TRNP1: variants seen among roughly 807,000 people sequenced by gnomAD.
TRNP1 encodes TMF-regulated nuclear protein 1.
In TRNP1, 16 loss-of-function variants were observed where a neutral mutation model predicts 12.2. The ratio of observed to expected loss-of-function variants is 1.31; its 90% CI spans 0.89 to 1.99. The LOEUF (loss-of-function observed/expected upper bound fraction) is 1.99. Among genes scored for constraint, TRNP1 ranks in the 30% most tolerant of loss-of-function variants. TRNP1 has a pLI of 0.00. For synonymous variants in TRNP1, 139 were observed against 166.2 expected (o/e 0.84, Z 1.26); for missense variants, 338 against 330.4 (o/e 1.02, Z -0.18).
At chr1:26,997,918 C>T (rs1169292933) in intron 1 of TRNP1, among the ~76,000 whole-genome samples, 1 of 152,094 alleles carries the variant, frequency 6.6e-6, no homozygotes, top group Non-Finnish European at 1.5e-5. Flanking sequence ...CGGTAGTCCC[C>T]GGGGCTTCCT....
Position 26,994,606 on chromosome 1 carries a change from G to A in TRNP1, c.*136G>A, listed in dbSNP as rs2082536088. On this transcript the variant is annotated 3_prime_UTR_variant, in exon 1 of 2. Coordinates refer to ENST00000522111, the MANE Select transcript of TRNP1 (RefSeq NM_001013642.3). The surrounding 1 kb of genome is among the most constrained non-coding windows in gnomAD (Gnocchi z 6.9). Reference sequence around the variant, plus strand: ...TGGGGGCCAGGGGCCCAGTAGAGGAGGCTGAGGTGCGGTCTTAGCGGCTGG... The same window carrying A: ...TGGGGGCCAGGGGCCCAGTAGAGGAAGCTGAGGTGCGGTCTTAGCGGCTGG... 3 of 634,266 alleles carry A rather than the reference G, an allele frequency of 4.7e-6. No individual in the cohort carries two copies. Among genetic ancestry groups the A allele is most frequent in the East Asian group, 1.6e-4 (2 of 12,434 alleles). The allele number at this position is 634,266 out of a possible 1,614,324, so 39.3% of individuals were successfully genotyped here.
chr1:26,995,131 A>T (rs143909312), intron 1 of TRNP1, among the ~76,000 whole-genome samples: 1 of 152,166 alleles, frequency 6.6e-6, no homozygotes, highest in Non-Finnish European at 1.5e-5. Flanking sequence ...TTCTCTTCAT[A>T]CTTAGGCCCT....
chr1:26,993,750 G>C lies in TRNP1; in HGVS notation c.-37G>C, dbSNP rs776250722. On this transcript the variant is annotated 5_prime_UTR_variant, in exon 1 of 2. Transcript: ENST00000522111. ...GGTGTGCTGTGGTCATCCTCCCTGC[G>C]CACCTACAGCCGCAGACCGCCGGTG... 1.6e-6 allele frequency: 2 copies of C among 1,277,592 alleles called. No individual in the cohort carries two copies. The highest frequency in any genetic ancestry group is 4.3e-5 in the Admixed American group (1 of 23,526). The allele number at this position is 1,277,592 out of a possible 1,614,324, so 79.1% of individuals were successfully genotyped here.
rs1216553292 is a variant in TRNP1 at position 26,994,817 on chromosome 1, G to A, written c.*142+205G>A. Among the ~76,000 whole-genome samples, 1 of 152,168 alleles carries A rather than the reference G, an allele frequency of 6.6e-6. No individual in the cohort carries two copies. The highest frequency in any genetic ancestry group is 1.5e-5 in the Non-Finnish European group (1 of 68,026). On this transcript the variant is annotated intron_variant, in intron 1 of 1. Coordinates refer to ENST00000522111, the MANE Select transcript of TRNP1 (RefSeq NM_001013642.3). The surrounding 1 kb of genome is among the most constrained non-coding windows in gnomAD (Gnocchi z 6.9). ...TCCATTATAAGAGTTGGACTCTTGA[G>A]GGGGCTCAGATCCCAGGAACGGGTT...
Position 27,000,288 on chromosome 1 carries a change from C to A in TRNP1, c.*584C>A. On this transcript the variant is annotated 3_prime_UTR_variant, in exon 2 of 2. Coordinates refer to ENST00000522111, the MANE Select transcript of TRNP1 (RefSeq NM_001013642.3). ...TTTAATAGATGTCATTGCTTCAAGT[C>A]TAACGGCGCCGGGAGGCCTGTTTGA... 6.6e-6 allele frequency: 1 copy of A among 152,212 alleles called. No homozygotes were observed. The highest frequency in any genetic ancestry group is 1.9e-4 in the East Asian group (1 of 5,196). The allele number at this position is 152,212 out of a possible 1,614,324, so 9.4% of individuals were successfully genotyped here. A position where few individuals can be genotyped will look rare whatever the true frequency, so the allele number is the denominator to read the frequency against.
Position 26,993,831 on chromosome 1 carries a change from G to T in TRNP1, c.45G>T (p.Glu15Asp). Residue 15 changes from glutamate to aspartate, a missense_variant, in exon 1 of 2, where the codon GAG becomes GAT. By Grantham distance (45) the Glu-to-Asp change is conservative. Coordinates refer to ENST00000522111, the MANE Select transcript of TRNP1 (RefSeq NM_001013642.3). ...GCGCCTGCGGCCCGGGGGCCCAGGA[G>T]GGGACGGCAGAGCAGAGGTCGCCGC... is the stretch of plus-strand genomic sequence containing the variant. The part of the protein sequence containing the change: ...RISACGPGAQ[E>D]GTAEQRSPPP... 1 of 1,341,808 alleles carries T rather than the reference G, an allele frequency of 7.5e-7. No individual in the cohort carries two copies. Among genetic ancestry groups the T allele is most frequent in the Middle Eastern group, 2.7e-4 (1 of 3,684 alleles). The allele number at this position is 1,341,808 out of a possible 1,614,324, so 83.1% of individuals were successfully genotyped here. A position where few individuals can be genotyped will look rare whatever the true frequency, so the allele number is the denominator to read the frequency against.
Position 26,994,319 on chromosome 1 carries a change from G to A in TRNP1, c.533G>A (p.Arg178His). 5.4e-6 allele frequency: 6 copies of A among 1,118,468 alleles called. 1 individual carries two copies. The South Asian group carries it at 2.6e-4, about 48-fold the overall frequency. 69.3% of individuals were successfully genotyped at this position (1,118,468 alleles called of 1,614,324 possible). A position where few individuals can be genotyped will look rare whatever the true frequency, so the allele number is the denominator to read the frequency against. ...RLKKGPRRGR[R>H]GRPPALLASA... Reference sequence around the variant, plus strand: ...AAGAAGGGCCCGCGCCGCGGCCGCCGCGGCCGACCCCCCGCGCTGCTGGCC... The same window carrying A: ...AAGAAGGGCCCGCGCCGCGGCCGCCACGGCCGACCCCCCGCGCTGCTGGCC... Residue 178 changes from arginine to histidine, a missense_variant, in exon 1 of 2, where the codon CGC becomes CAC. Arg to His is a conservative substitution (Grantham distance 29). Transcript: ENST00000522111. The surrounding 1 kb of genome is among the most constrained non-coding windows in gnomAD (Gnocchi z 6.9).
chr1:26,994,219 G>T lies in TRNP1; in HGVS notation c.433G>T (p.Ala145Ser), dbSNP rs1309378485. The change falls in exon 1 of 2, where the codon GCG becomes TCG. Residue 145 changes from alanine to serine, a missense_variant. Physicochemically the swap from Ala to Ser is moderately conservative, Grantham distance 99. Transcript: ENST00000522111. This position sits in a 1 kb window ranked among gnomAD's most constrained non-coding sequence, Gnocchi z 6.9. ...LAAELRLAHR[A>S]ESLSRLSGGV... ...GGCCGAGCTGCGCCTGGCGCACCGCGCGGAGAGCCTGAGCCGCCTGAGCGG... is the reference window on the plus strand; with the variant it reads ...GGCCGAGCTGCGCCTGGCGCACCGCTCGGAGAGCCTGAGCCGCCTGAGCGG... 5.5e-6 allele frequency: 7 copies of T among 1,275,342 alleles called. No homozygotes were observed. The African/African-American group carries it at 1.1e-4, about 20-fold the overall frequency. 79.0% of individuals were successfully genotyped at this position (1,275,342 alleles called of 1,614,324 possible).
In TRNP1 at chr1:26,993,744, C is replaced by A. The variant is rs927694449; in HGVS notation, c.-43C>A. 3.9e-6 allele frequency: 5 copies of A among 1,283,788 alleles called. No individual in the cohort carries two copies. The African/African-American group carries it at 4.7e-5, about 12-fold the overall frequency. The allele number at this position is 1,283,788 out of a possible 1,614,324, so 79.5% of individuals were successfully genotyped here. A position where few individuals can be genotyped will look rare whatever the true frequency, so the allele number is the denominator to read the frequency against. On this transcript the variant is annotated 5_prime_UTR_variant, in exon 1 of 2. Coordinates refer to ENST00000522111, the MANE Select transcript of TRNP1 (RefSeq NM_001013642.3). Reference sequence around the variant, plus strand: ...TGTTCGGGTGTGCTGTGGTCATCCTCCCTGCGCACCTACAGCCGCAGACCG... The same window carrying A: ...TGTTCGGGTGTGCTGTGGTCATCCTACCTGCGCACCTACAGCCGCAGACCG...
rs1285147176 is a variant in TRNP1 at position 26,994,960 on chromosome 1, G to A, written c.*142+348G>A. On this transcript the variant is annotated intron_variant, in intron 1 of 1. Transcript: ENST00000522111. The surrounding 1 kb of genome is among the most constrained non-coding windows in gnomAD (Gnocchi z 6.9). ...AGCTGTGAGCAGTCTTGCCCTTGAG[G>A]ATGCTGCTTCCTGGCGCCGCCCAGC... Among the ~76,000 whole-genome samples, 3 of 152,222 alleles carry A rather than the reference G, an allele frequency of 2.0e-5. No homozygotes were observed. The highest frequency in any genetic ancestry group is 4.4e-5 in the Non-Finnish European group (3 of 68,046).
chr1:27,000,733 A>C lies in TRNP1; in HGVS notation c.*1029A>C, dbSNP rs1406578934. 1 of 152,122 alleles carries C rather than the reference A, an allele frequency of 6.6e-6. No homozygotes were observed. Among genetic ancestry groups the C allele is most frequent in the Non-Finnish European group, 1.5e-5 (1 of 68,022 alleles). 9.4% of individuals were successfully genotyped at this position (152,122 alleles called of 1,614,324 possible). ...GTGTCTATTATGGCTCTTTAAGTTG[A>C]CGGTTCCTGGAGCAGCTTGTATTTA... On this transcript the variant is annotated 3_prime_UTR_variant, in exon 2 of 2. Coordinates refer to ENST00000522111, the MANE Select transcript of TRNP1 (RefSeq NM_001013642.3).
rs551552533 is a variant in TRNP1, at chr1:27,000,512, C to T, written c.*808C>T. The T allele has an allele frequency of 3.3e-5, 5 of 152,704 alleles. No individual in the cohort carries two copies. The Middle Eastern group carries it at 0.017, about 519-fold the overall frequency. The allele number at this position is 152,704 out of a possible 1,614,324, so 9.5% of individuals were successfully genotyped here. On this transcript the variant is annotated 3_prime_UTR_variant, in exon 2 of 2. Transcript: ENST00000522111. ...AGTTTTAAATGAAAAAAAGGAAACA[C>T]ATTTAAACATCCTGATAATGGAGGG...
At chr1:26,995,470 A>G (rs370764348) in intron 1 of TRNP1, among the ~76,000 whole-genome samples, 2 of 152,174 alleles carry the variant, frequency 1.3e-5, no homozygotes, top group African/African-American at 4.8e-5. Context: ...ACTGTGAATG[A>G]CCTGGCTACC....
intron 1 of TRNP1, among the ~76,000 whole-genome samples, chr1:26,996,364 C>T (rs891573926): frequency 3.3e-5 from 5 of 152,198 alleles, no homozygotes; most frequent in South Asian, 2.1e-4. Flanking sequence ...GCTGGTTTCT[C>T]GGCTAACAGC....
intron 1 of TRNP1, among the ~76,000 whole-genome samples, chr1:26,996,696 TCA>T (rs1357577333): frequency 2.0e-5 from 3 of 152,102 alleles, no homozygotes; most frequent in Admixed American, 6.6e-5. Flanking sequence ...CTCGGTGCCA[TCA>T]CAGTTTTGGC....
chr1:26,996,590 CCTTGGTGCTGGGCTG>C (rs2082546364), intron 1 of TRNP1, among the ~76,000 whole-genome samples: 9 of 152,174 alleles, frequency 5.9e-5, no homozygotes, highest in Admixed American at 5.9e-4. Context: ...TGAGCTCAGG[CCTTGGTGCTGGGCTG>C]CAGCCAGGAC....
At position 26,993,871 on chromosome 1, in the gene TRNP1, C is replaced by G. The variant is rs780525174; in HGVS notation, c.85C>G (p.Pro29Ala). The G allele has an allele frequency of 5.1e-6, 7 of 1,372,420 alleles. No individual in the cohort carries two copies. Among genetic ancestry groups the G allele is most frequent in the Middle Eastern group, 2.4e-4 (1 of 4,100 alleles). 85.0% of individuals were successfully genotyped at this position (1,372,420 alleles called of 1,614,324 possible). ...EQRSPPPPWD[P>A]MPSSQPPPPT... The stretch of plus-strand genomic sequence containing the variant: ...GAGGTCGCCGCCGCCGCCCTGGGAT[C>G]CCATGCCGTCCTCTCAGCCCCCGCC... The change falls in exon 1 of 2, where the codon CCC (proline) becomes GCC (alanine). Residue 29 changes from proline to alanine, a missense_variant. Pro to Ala is a conservative substitution (Grantham distance 27, BLOSUM62 -1). Coordinates refer to ENST00000522111, the MANE Select transcript of TRNP1 (RefSeq NM_001013642.3).
In TRNP1 at chr1:27,000,512, CATTT is replaced by C. The variant is rs1269561150; in HGVS notation, c.*810_*813del. On this transcript the variant is annotated 3_prime_UTR_variant, in exon 2 of 2. Coordinates refer to ENST00000522111, the MANE Select transcript of TRNP1 (RefSeq NM_001013642.3). ...AGTTTTAAATGAAAAAAAGGAAACA[CATTT>C]AAACATCCTGATAATGGAGGGAAGG... is the stretch of plus-strand genomic sequence containing the variant. The C allele has an allele frequency of 6.6e-6, 1 of 152,586 alleles. No homozygotes were observed. Among genetic ancestry groups the C allele is most frequent in the Non-Finnish European group, 1.5e-5 (1 of 68,032 alleles). 9.5% of individuals were successfully genotyped at this position (152,586 alleles called of 1,614,324 possible). A position where few individuals can be genotyped will look rare whatever the true frequency, so the allele number is the denominator to read the frequency against.
rs1004056870 is a variant in TRNP1 at position 26,999,877 on chromosome 1, A to G, written c.*173A>G. On this transcript the variant is annotated 3_prime_UTR_variant, in exon 2 of 2. Transcript: ENST00000522111. Reference sequence around the variant, plus strand: ...TCCAACTCCTCAGAACCTCCACTCTATGGATCTGGACCTCTGGATTCGGCT... The same window carrying G: ...TCCAACTCCTCAGAACCTCCACTCTGTGGATCTGGACCTCTGGATTCGGCT... The G allele has an allele frequency of 6.6e-6, 1 of 152,232 alleles. No individual in the cohort carries two copies. Among genetic ancestry groups the G allele is most frequent in the Non-Finnish European group, 1.5e-5 (1 of 68,076 alleles). The allele number at this position is 152,232 out of a possible 1,614,324, so 9.4% of individuals were successfully genotyped here. A position where few individuals can be genotyped will look rare whatever the true frequency, so the allele number is the denominator to read the frequency against.
Sources: allele counts gnomAD v4.1 joint callset (sites outside exome capture counted in the v4.1 genomes callset), GRCh38; gene constraint gnomAD v4.1.1; non-coding constraint Gnocchi (gnomAD v3.1); transcripts MANE v1.5; gene names NCBI Gene and HGNC (gene_info 2026-07-23, HGNC 2026-07-21).